TRAK1: variants seen among roughly 807,000 people sequenced by gnomAD.
TRAK1 encodes trafficking kinesin-binding protein 1.
TRAK1 carries 33 observed loss-of-function variants against 92.1 expected under a neutral mutation model. That is an observed-to-expected ratio of 0.36 (90% CI 0.27 to 0.48). The LOEUF (loss-of-function observed/expected upper bound fraction) is 0.48, where lower values mean the gene tolerates loss of function less well. TRAK1 is among the 20% of genes least tolerant of loss of function. TRAK1 has a pLI of 0.99. For missense variants in TRAK1, 1,123 were observed against 1,257.9 expected, an observed-to-expected ratio of 0.89 and a Z score of 1.62; for synonymous variants, 521 against 517.3, an observed-to-expected ratio of 1.01 and a Z score of -0.10.
At chr3:42,217,481 T>C (rs1709849894) in intron 14 of TRAK1, 1 of 985,438 alleles carries the variant, frequency 1.0e-6, no homozygotes, top group Non-Finnish European at 1.2e-6. Flanking sequence ...TTGCTTCTGC[T>C]GATGCAACTA....
intron 1 of TRAK1, among the ~76,000 whole-genome samples, chr3:42,110,764 C>T (rs1488029028): frequency 1.3e-5 from 2 of 152,136 alleles, no homozygotes; most frequent in African/African-American, 4.8e-5. Flanking sequence ...GGCAAAAGCC[C>T]CAGGTCTCCC....
rs554792968 is a variant in TRAK1 at position 42,016,235 on chromosome 3, C to A, written c.-519+2118C>A. Among the ~76,000 whole-genome samples, 6 of 151,406 alleles carry A rather than the reference C, an allele frequency of 4.0e-5. No individual in the cohort carries two copies. The East Asian group carries it at 1.2e-3, about 29-fold the overall frequency. On this transcript the variant is annotated intron_variant, in intron 1 of 16. Transcript: ENST00000487159. ...TTTTTTTCTTTTTGAGTCAGAGTGTCGCTCTGTCATCGAGGCTAGAGTGCA... is the reference window on the plus strand; with the variant it reads ...TTTTTTTCTTTTTGAGTCAGAGTGTAGCTCTGTCATCGAGGCTAGAGTGCA...
intron 4 of TRAK1, 26 bp from the exon 5 acceptor site, chr3:42,188,019 A>G: frequency 2.5e-6 from 4 of 1,608,382 alleles, no homozygotes; most frequent in Non-Finnish European, 3.4e-6. Context: ...TGGGAAGCAA[A>G]TGATGGGCCT....
intron 1 of TRAK1, among the ~76,000 whole-genome samples, chr3:42,098,437 G>T (rs969810644): frequency 6.6e-6 from 1 of 152,188 alleles, no homozygotes; most frequent in African/African-American, 2.4e-5. Flanking sequence ...CAGGTTGTGA[G>T]TGTGCAGTAA....
At chr3:42,132,576 A>G (rs2149175996) in intron 2 of TRAK1, among the ~76,000 whole-genome samples, 1 of 152,040 alleles carries the variant, frequency 6.6e-6, no homozygotes, top group Middle Eastern at 3.4e-3. Context: ...AAAATTTTGT[A>G]TTGTTATTTT....
chr3:42,193,844 A>C lies in TRAK1; in HGVS notation c.921A>C (p.Glu307Asp). ...KAKACAVENE[E>D]LVQHLGAAKD... is the part of the protein sequence containing the mutation. ...TTTAGTGCGCAGTGGAAAATGAAGA[A>C]CTTGTCCAGCATCTGGGGGCTGCTA... The change falls in exon 9 of 16, where the codon GAA (glutamate) becomes GAC (aspartate). Residue 307 changes from glutamate (E) to aspartate (D), a missense_variant. Transcript: ENST00000327628. 1 of 1,614,122 alleles carries C rather than the reference A, an allele frequency of 6.2e-7. No homozygotes were observed. The highest frequency in any genetic ancestry group is 8.5e-7 in the Non-Finnish European group (1 of 1,180,006).
chr3:42,188,203 T>A, intron 5 of TRAK1, 58 bp downstream of exon 5: 1 of 1,550,626 alleles, frequency 6.4e-7, no homozygotes, highest in Non-Finnish European at 8.9e-7. Flanking sequence ...CCGCTGTTGA[T>A]GTCCTTGGAG....
At chr3:42,215,501 G>T (rs901800997) in intron 14 of TRAK1, among the ~76,000 whole-genome samples, 2 of 150,986 alleles carry the variant, frequency 1.3e-5, no homozygotes, top group African/African-American at 4.9e-5. Context: ...CCACTGTTGG[G>T]GTGTGTGTGT....
intron 14 of TRAK1, among the ~76,000 whole-genome samples, chr3:42,214,415 A>G (rs528476160): frequency 6.6e-6 from 1 of 152,240 alleles, no homozygotes; most frequent in East Asian, 1.9e-4. Context: ...ACAAGAGGAC[A>G]GAGGGTATAG....
At chr3:42,092,399 C>T (rs1466286978) in intron 1 of TRAK1, among the ~76,000 whole-genome samples, 1 of 152,154 alleles carries the variant, frequency 6.6e-6, no homozygotes, top group African/African-American at 2.4e-5. Context: ...ATTGAATAAG[C>T]CTAAAGACAC....
At chr3:42,129,808 C>T (rs1395324634) in intron 2 of TRAK1, among the ~76,000 whole-genome samples, 1 of 151,900 alleles carries the variant, frequency 6.6e-6, no homozygotes, top group South Asian at 2.1e-4. Flanking sequence ...GTGAGTCAGA[C>T]CTAGTTTGTC....
intron 1 of TRAK1, among the ~76,000 whole-genome samples, chr3:42,111,457 G>A (rs1016816259): frequency 1.3e-5 from 2 of 150,978 alleles, no homozygotes; most frequent in Admixed American, 6.6e-5. Flanking sequence ...GTGCGGTGGC[G>A]CGATCTTGGC....
intron 1 of TRAK1, among the ~76,000 whole-genome samples, chr3:42,110,973 T>C (rs1471457578): frequency 3.3e-5 from 5 of 152,186 alleles, no homozygotes; most frequent in Admixed American, 6.5e-5. Context: ...TGACAGAGAC[T>C]GCTGGTAATC....
intron 5 of TRAK1, 112 bp from the exon 6 acceptor site, chr3:42,188,904 G>A (rs568015421): frequency 1.0e-4 from 74 of 732,048 alleles, no homozygotes; most frequent in Middle Eastern, 3.1e-4. Context: ...TGGGAGAGCC[G>A]TCTGGTGGGT....
Position 42,121,834 on chromosome 3 carries a change from T to A in TRAK1, c.92-3586T>A, listed in dbSNP as rs200460026. On this transcript the variant is annotated intron_variant, in intron 1 of 15. Transcript: ENST00000327628. ...ATCAAATATACAGTTGTTTTTTTTT[T>A]AAAAACAGAGTCTCGCTCTGTCGCC... Among the ~76,000 whole-genome samples, 56 of 152,056 alleles carry A rather than the reference T, an allele frequency of 3.7e-4. No homozygotes were observed. The East Asian group carries it at 5.4e-3, about 15-fold the overall frequency.
At chr3:42,037,638 G>C (rs1225721135) in intron 1 of TRAK1, among the ~76,000 whole-genome samples, 2 of 152,216 alleles carry the variant, frequency 1.3e-5, no homozygotes, top group Non-Finnish European at 2.9e-5. Flanking sequence ...TAAGAGCTTT[G>C]GCTTAGCCAG....
chr3:42,102,109 C>T (rs1027801015), intron 1 of TRAK1, among the ~76,000 whole-genome samples: 4 of 152,194 alleles, frequency 2.6e-5, no homozygotes, highest in Non-Finnish European at 5.9e-5. Flanking sequence ...CCTCACCCTC[C>T]CGAGTAGCTG....
intron 1 of TRAK1, among the ~76,000 whole-genome samples, chr3:42,079,477 CTTT>C (rs748826131): frequency 1.5e-5 from 2 of 136,248 alleles, no homozygotes; most frequent in Admixed American, 7.6e-5. Context: ...GCTCCTTCTT[CTTT>C]TTTTTTTTTT....
intron 1 of TRAK1, among the ~76,000 whole-genome samples, chr3:42,079,477 C>CTTTT (rs748826131): frequency 7.3e-6 from 1 of 136,250 alleles, no homozygotes; most frequent in Non-Finnish European, 1.6e-5. Flanking sequence ...GCTCCTTCTT[C>CTTTT]TTTTTTTTTT....
Sources: gnomAD v4.1 joint callset for allele counts (sites outside exome capture counted in the v4.1 genomes callset) on GRCh38, gnomAD v4.1.1 for gene constraint, MANE v1.5 for transcripts, NCBI Gene and HGNC (gene_info 2026-07-23, HGNC 2026-07-21) for gene names.